DZIP1L: variants seen among roughly 807,000 people sequenced by gnomAD.
The protein encoded by DZIP1L is DAZ interacting zinc finger protein 1 like.
DZIP1L carries 90 observed loss-of-function variants against 88.7 expected under a neutral mutation model. That is an observed-to-expected ratio of 1.02 (90% CI 0.86 to 1.21). The LOEUF (loss-of-function observed/expected upper bound fraction) is 1.21. DZIP1L is among the 50% of genes most tolerant of loss of function. The pLI, the probability that DZIP1L is intolerant of heterozygous loss-of-function variation, is 0.00. For synonymous variants in DZIP1L, 363 were observed against 372.1 expected, an observed-to-expected ratio of 0.98 and a Z score of 0.28; for missense variants, 932 against 955.8, an observed-to-expected ratio of 0.98 and a Z score of 0.33.
Position 138,104,065 on chromosome 3 carries a change from AAG to A in DZIP1L, c.-81-15_-81-14del. On this transcript the variant is annotated splice_polypyrimidine_tract_variant and intron_variant, in intron 1 of 15. Coordinates refer to ENST00000327532, the MANE Select transcript of DZIP1L (RefSeq NM_173543.3). ...GCTGAGAGAAGGCCTGGAAAATAAGAAGAGAGTCCAAGTTAGGTGAGGTGTGT... is the reference window on the plus strand; with the variant it reads ...GCTGAGAGAAGGCCTGGAAAATAAGAAGAGTCCAAGTTAGGTGAGGTGTGT... 6.6e-7 allele frequency: 1 copy of A among 1,508,140 alleles called. No homozygotes were observed. Among genetic ancestry groups the A allele is most frequent in the Non-Finnish European group, 8.8e-7 (1 of 1,140,842 alleles). The allele number at this position is 1,508,140 out of a possible 1,614,324, so 93.4% of individuals were successfully genotyped here.
intron 1 of DZIP1L, among the ~76,000 whole-genome samples, chr3:138,113,060 T>C (rs2042644218): frequency 1.3e-5 from 2 of 152,238 alleles, no homozygotes; most frequent in African/African-American, 4.8e-5. Flanking sequence ...TAGACCAATA[T>C]TATGAATAAG....
chr3:138,106,140 T>C (rs1167013149), intron 1 of DZIP1L, among the ~76,000 whole-genome samples: 9 of 135,398 alleles, frequency 6.6e-5, no homozygotes, highest in Non-Finnish European at 1.4e-4. Flanking sequence ...TTTTTTTTTT[T>C]TTTTTTTTTT....
intron 14 of DZIP1L, among the ~76,000 whole-genome samples, chr3:138,066,050 A>G (rs1942883704): frequency 6.6e-6 from 1 of 152,210 alleles, no homozygotes; most frequent in South Asian, 2.1e-4. Context: ...TCTTGGCTGA[A>G]AAGGGCAAAG....
intron 14 of DZIP1L, among the ~76,000 whole-genome samples, 157 bp downstream of exon 14, chr3:138,067,374 G>A (rs921456450): frequency 2.6e-5 from 4 of 152,222 alleles, no homozygotes; most frequent in Admixed American, 6.5e-5. Flanking sequence ...TATCTGAGGC[G>A]AAGGAGGACC....
chr3:138,081,322 A>G (rs1943637270), intron 9 of DZIP1L, among the ~76,000 whole-genome samples: 1 of 152,202 alleles, frequency 6.6e-6, no homozygotes, highest in Non-Finnish European at 1.5e-5. Context: ...GAGACTGTAT[A>G]TGCCAAACAG....
chr3:138,102,504 T>C (rs1313840568), intron 2 of DZIP1L: 40 of 1,318,738 alleles, frequency 3.0e-5, no homozygotes, highest in African/African-American at 4.3e-5. Flanking sequence ...TCTGAACATG[T>C]TGTCCATGTT....
chr3:138,075,428 T>C (rs1943361479), intron 11 of DZIP1L, among the ~76,000 whole-genome samples: 1 of 152,136 alleles, frequency 6.6e-6, no homozygotes, highest in Admixed American at 6.5e-5. Flanking sequence ...TCAGTAAACT[T>C]AAGAAAATCG....
intron 8 of DZIP1L, among the ~76,000 whole-genome samples, chr3:138,083,332 G>A (rs1943758941): frequency 6.6e-6 from 1 of 152,216 alleles, no homozygotes; most frequent in Admixed American, 6.5e-5. Context: ...AGCAAGGGGT[G>A]CAGGAACAAG....
At chr3:138,067,336 C>T (rs554168177) in intron 14 of DZIP1L, among the ~76,000 whole-genome samples, 195 bp downstream of exon 14, 1 of 152,352 alleles carries the variant, frequency 6.6e-6, no homozygotes, top group Non-Finnish European at 1.5e-5. Context: ...TAGCTTTCTC[C>T]TGATATCTCT....
chr3:138,078,130 A>G (rs1323128609), intron 10 of DZIP1L, among the ~76,000 whole-genome samples: 1 of 152,224 alleles, frequency 6.6e-6, no homozygotes, highest in Non-Finnish European at 1.5e-5. Flanking sequence ...GGTAAGCCAC[A>G]GACTATACTT....
intron 10 of DZIP1L, among the ~76,000 whole-genome samples, chr3:138,078,571 T>C (rs1943513984): frequency 6.6e-6 from 1 of 152,220 alleles, no homozygotes; most frequent in Admixed American, 6.5e-5. Context: ...TCTAGGACAA[T>C]GGTCCTTAAC....
intron 11 of DZIP1L, 96 bp from the exon 12 acceptor site, chr3:138,071,931 G>T: frequency 8.2e-7 from 1 of 1,215,074 alleles, no homozygotes; most frequent in South Asian, 1.5e-5. Flanking sequence ...CTGGGAGTCT[G>T]TGATCAGTGC....
chr3:138,092,316 C>T (rs1404324384), intron 5 of DZIP1L, 67 bp downstream of exon 5: 23 of 1,450,760 alleles, frequency 1.6e-5, no homozygotes, highest in South Asian at 1.2e-4. Context: ...CCAGTACAAA[C>T]TAAGAAATTT....
In DZIP1L at chr3:138,062,593, G is replaced by T. The variant is rs1182283025; in HGVS notation, c.*223C>A. On this transcript the variant is annotated 3_prime_UTR_variant, in exon 16 of 16. Coordinates refer to ENST00000327532, the MANE Select transcript of DZIP1L (RefSeq NM_173543.3). ...CTATTTTAACCCTTTCTCAAGCCTG[G>T]GGACCTAGGGGCTCCTAGTCAGGCA... 2.0e-6 allele frequency: 1 copy of T among 502,618 alleles called. No individual in the cohort carries two copies. Among genetic ancestry groups the T allele is most frequent in the Non-Finnish European group, 3.5e-6 (1 of 282,678 alleles). 31.1% of individuals were successfully genotyped at this position (502,618 alleles called of 1,614,324 possible). A position where few individuals can be genotyped will look rare whatever the true frequency, so the allele number is the denominator to read the frequency against.
At chr3:138,069,147 TTCC>T (rs1334136266) in intron 12 of DZIP1L, 14 of 687,678 alleles carry the variant, frequency 2.0e-5, no homozygotes, top group East Asian at 8.4e-5. Context: ...ACCCCTCCTC[TTCC>T]TCCTCCTCTT....
rs1942757662 is a variant in DZIP1L at position 138,062,958 on chromosome 3, T to G, written c.2162A>C (p.Asp721Ala). 6.2e-7 allele frequency: 1 copy of G among 1,613,950 alleles called. No individual in the cohort carries two copies. Among genetic ancestry groups the G allele is most frequent in the Admixed American group, 1.7e-5 (1 of 60,004 alleles). The change falls in exon 16 of 16, where the codon GAC (aspartate) becomes GCC (alanine). Residue 721 changes from aspartate (D) to alanine (A), a missense_variant. Asp to Ala is a moderately radical substitution (Grantham distance 126, BLOSUM62 -2). Transcript: ENST00000327532. ...ATCTTCCAAGGAGGAGATCTCCAAGTCACTCTCATCTTCAGAAAGCTGCAG... is the reference window on the plus strand; with the variant it reads ...ATCTTCCAAGGAGGAGATCTCCAAGGCACTCTCATCTTCAGAAAGCTGCAG... ...RKPQLSEDES[D>A]LEISSLEDLP...
chr3:138,107,178 A>C (rs2042518698), intron 1 of DZIP1L, among the ~76,000 whole-genome samples: 1 of 152,228 alleles, frequency 6.6e-6, no homozygotes, highest in African/African-American at 2.4e-5. Context: ...CCCAAAGGTC[A>C]TATGTTGAAA....
intron 5 of DZIP1L, among the ~76,000 whole-genome samples, chr3:138,089,963 C>G (rs1247694540): frequency 6.6e-6 from 1 of 151,700 alleles, no homozygotes; most frequent in African/African-American, 2.4e-5. Flanking sequence ...GGTAACATGG[C>G]GAAACCCCAT....
Position 138,068,278 on chromosome 3 carries a change from G to A in DZIP1L, c.1705C>T (p.Pro569Ser). Residue 569 changes from proline to serine, a missense_variant, in exon 13 of 16, where the codon CCA becomes TCA. Physicochemically the swap from Pro to Ser is moderately conservative, Grantham distance 74. Coordinates refer to ENST00000327532, the MANE Select transcript of DZIP1L (RefSeq NM_173543.3). The part of the protein sequence containing the change: ...QVALPSTPAE[P>S]PPPTRQSHGS... ...TGGCTCTGACGAGTTGGTGGGGGTG[G>A]CTCTGCCGGTGTGGATGGCAAGGCC... The A allele has an allele frequency of 6.3e-7, 1 of 1,597,554 alleles. No homozygotes were observed. The highest frequency in any genetic ancestry group is 8.5e-7 in the Non-Finnish European group (1 of 1,171,426).
Sources: gnomAD v4.1 joint callset for allele counts (sites outside exome capture counted in the v4.1 genomes callset) on GRCh38, gnomAD v4.1.1 for gene constraint, MANE v1.5 for transcripts, NCBI Gene and HGNC (gene_info 2026-07-23, HGNC 2026-07-21) for gene names.